The following MUC17 variants were observed in gnomAD, a reference collection of about 807,000 sequenced individuals.
The protein encoded by MUC17 is mucin 17, cell surface associated.
In MUC17, 190 loss-of-function variants were observed where a neutral mutation model predicts 170.3. The ratio of observed to expected loss-of-function variants is 1.12; its 90% CI spans 0.99 to 1.26. The LOEUF is 1.26. Among genes scored for constraint, MUC17 ranks in the 50% most tolerant of loss-of-function variants. The pLI is 0.00. For synonymous variants in MUC17, 2,325 were observed against 2,002.5 expected, an observed-to-expected ratio of 1.16 and a Z score of -4.30; for missense variants, 6,415 against 5,530.0, an observed-to-expected ratio of 1.16 and a Z score of -5.08.
chr7:101,023,195 T>C (rs1436606721), intron 1 of MUC17, among the ~76,000 whole-genome samples: 1 of 151,982 alleles, frequency 6.6e-6, no homozygotes, highest in African/African-American at 2.4e-5. Context: ...TCTGTCTCTG[T>C]GTTGGGTTAG....
chr7:101,033,089 C>A lies in MUC17; in HGVS notation c.1673C>A (p.Thr558Asn). The change falls in exon 3 of 13, where the codon ACC (threonine) becomes AAC (asparagine). Residue 558 changes from threonine (T) to asparagine (N), a missense_variant. Physicochemically the swap from Thr to Asn is moderately conservative, Grantham distance 65 (BLOSUM62 0). Transcript: ENST00000306151. ...TCATCTTCTACAACTCCTGAAGGTA[C>A]CAGCATACCAACCTCAACTCCTAGT... ...ASSSSTTPEGTSIPTSTPSEG... is the reference protein window; with the variant it reads ...ASSSSTTPEGNSIPTSTPSEG... 1 of 1,611,812 alleles carries A rather than the reference C, an allele frequency of 6.2e-7. No individual in the cohort carries two copies. The highest frequency in any genetic ancestry group is 1.7e-4 in the Middle Eastern group (1 of 6,050).
chr7:101,028,638 G>A (rs1794224127), intron 1 of MUC17, among the ~76,000 whole-genome samples: 1 of 151,932 alleles, frequency 6.6e-6, no homozygotes, highest in Non-Finnish European at 1.5e-5. Context: ...AGCACTTTGG[G>A]AGGCTGAGGC....
At position 101,039,134 on chromosome 7, in the gene MUC17, G is replaced by A. The variant is rs1370561813; in HGVS notation, c.7718G>A (p.Ser2573Asn). The change falls in exon 3 of 13, where the codon AGC becomes AAC. Residue 2573 changes from serine to asparagine, a missense_variant. Physicochemically the swap from Ser to Asn is conservative, Grantham distance 46 (BLOSUM62 1). Transcript: ENST00000306151. ...SMPTSTYSEG[S>N]TPLRSMPVST... is the part of the protein sequence containing the mutation. ...CCTACCTCAACTTATAGTGAAGGAA[G>A]CACTCCATTAAGAAGTATGCCTGTC... 1.9e-6 allele frequency: 3 copies of A among 1,612,588 alleles called. No homozygotes were observed. Among genetic ancestry groups the A allele is most frequent in the South Asian group, 1.1e-5 (1 of 91,010 alleles).
chr7:101,050,361 C>T (rs1246256510), intron 6 of MUC17, 123 bp from the exon 7 acceptor site: 11 of 1,409,710 alleles, frequency 7.8e-6, no homozygotes, highest in South Asian at 1.4e-5. Context: ...GAGTCATCAC[C>T]CCAACTGTCC....
At position 101,036,639 on chromosome 7, in the gene MUC17, C is replaced by G; in HGVS notation, c.5223C>G (p.Asn1741Lys). 5 of 1,613,208 alleles carry G rather than the reference C, an allele frequency of 3.1e-6. No homozygotes were observed. Among genetic ancestry groups the G allele is most frequent in the Non-Finnish European group, 3.4e-6 (4 of 1,179,728 alleles). ...CTTCTGAAGGTACCAGCATGCCAAA[C>G]TCAACTCCTAGTGAAGGAACCACTC... is the stretch of plus-strand genomic sequence containing the variant. The part of the protein sequence containing the change: ...PTTSEGTSMP[N>K]STPSEGTTPL... Residue 1741 changes from asparagine to lysine, a missense_variant, in exon 3 of 13, where the codon AAC (asparagine) becomes AAG (lysine). Transcript: ENST00000306151.
chr7:101,050,373 G>A (rs1794915459), intron 6 of MUC17, 111 bp from the exon 7 acceptor site: 1 of 1,480,344 alleles, frequency 6.8e-7, no homozygotes, highest in African/African-American at 1.4e-5. Context: ...CAACTGTCCT[G>A]CCCCCAGCTC....
rs756321309 is a variant in MUC17, at chr7:101,043,760, C to T, written c.12344C>T (p.Thr4115Met). The change falls in exon 3 of 13, where the codon ACG (threonine) becomes ATG (methionine). Residue 4115 changes from threonine to methionine, a missense_variant. Transcript: ENST00000306151. ...FPTVTTTAVP[T>M]NTTIKSNPTS... ...ACGGTGACCACCACCGCTGTCCCCA[C>T]GAATACTACAATTAAGAGCAACCCC... is the stretch of plus-strand genomic sequence containing the variant. 16 of 1,613,974 alleles carry T rather than the reference C, an allele frequency of 9.9e-6. No homozygotes were observed. Among genetic ancestry groups the T allele is most frequent in the Non-Finnish European group, 1.3e-5 (15 of 1,180,008 alleles).
intron 12 of MUC17, among the ~76,000 whole-genome samples, chr7:101,057,361 C>T (rs1457119678): frequency 6.6e-6 from 1 of 152,150 alleles, no homozygotes; most frequent in Non-Finnish European, 1.5e-5. Context: ...GATGAAATCT[C>T]CAGCAAGGAT....
chr7:101,024,892 G>C (rs1794154192), intron 1 of MUC17, among the ~76,000 whole-genome samples: 1 of 151,910 alleles, frequency 6.6e-6, no homozygotes, highest in Non-Finnish European at 1.5e-5. Context: ...ACCAGGAGCA[G>C]TGGTTTATGT....
rs745935283 is a variant in MUC17, at chr7:101,040,822, G to C, written c.9406G>C (p.Val3136Leu). 4.7e-5 allele frequency: 76 copies of C among 1,613,478 alleles called. 2 individuals are homozygous for C. The Admixed American group carries it at 5.7e-4, about 12-fold the overall frequency. ...AACTCCTGTTGACACCAGCACACCT[G>C]TGACCACTTCTACTGAAGCCCATTC... The part of the protein sequence containing the change: ...STTPVDTSTP[V>L]TTSTEAHSSP... Residue 3136 changes from valine to leucine, a missense_variant, in exon 3 of 13, where the codon GTG becomes CTG. By Grantham distance (32) the Val-to-Leu change is conservative. Coordinates refer to ENST00000306151, the MANE Select transcript of MUC17 (RefSeq NM_001040105.2).
At chr7:101,022,053 A>G (rs1584853364) in intron 1 of MUC17, among the ~76,000 whole-genome samples, 1 of 152,130 alleles carries the variant, frequency 6.6e-6, no homozygotes, top group South Asian at 2.1e-4. Context: ...TTGGGTGCTC[A>G]GTCACCTGTC....
At position 101,034,929 on chromosome 7, in the gene MUC17, G is replaced by C. The variant is rs759856667; in HGVS notation, c.3513G>C (p.Leu1171=). 2 of 1,613,620 alleles carry C rather than the reference G, an allele frequency of 1.2e-6. No homozygotes were observed. ...CAAGTATGCCTGTCAGCACCACGCT[G>C]GTGGTCAGTTCTGAGGCTAACACCC... is the stretch of plus-strand genomic sequence containing the variant. ...PLASMPVSTT[L]VVSSEANTLS... Residue 1171 remains leucine, a synonymous_variant, in exon 3 of 13, where the codon CTG becomes CTC. Coordinates refer to ENST00000306151, the MANE Select transcript of MUC17 (RefSeq NM_001040105.2).
In MUC17 at chr7:101,037,410, C is replaced by G; in HGVS notation, c.5994C>G (p.Val1998=). Residue 1998 remains valine, a synonymous_variant, in exon 3 of 13, where the codon GTC becomes GTG. Coordinates refer to ENST00000306151, the MANE Select transcript of MUC17 (RefSeq NM_001040105.2). ...TGCCTCTCAGCACCACGCTGGTGGTCAGTTCTGAGGCTAGCACTCTTTCCA... is the reference window on the plus strand; with the variant it reads ...TGCCTCTCAGCACCACGCTGGTGGTGAGTTCTGAGGCTAGCACTCTTTCCA... ...TSMPLSTTLV[V]SSEASTLSTT... is the part of the protein sequence containing the mutation. 1.9e-6 allele frequency: 3 copies of G among 1,612,862 alleles called. No individual in the cohort carries two copies. Among genetic ancestry groups the G allele is most frequent in the Non-Finnish European group, 2.5e-6 (3 of 1,179,218 alleles).
chr7:101,043,491 A>G lies in MUC17; in HGVS notation c.12075A>G (p.Ala4025=), dbSNP rs200357858. 1.2e-6 allele frequency: 2 copies of G among 1,614,080 alleles called. No individual in the cohort carries two copies. The highest frequency in any genetic ancestry group is 1.7e-6 in the Non-Finnish European group (2 of 1,180,048). The part of the protein sequence containing the change: ...RTTSRGCTTS[A]STLSATSTPH... ...CCAGCAGAGGCTGCACTACTTCTGCATCAACGCTTTCTGCAACCAGTACAC... is the reference window on the plus strand; with the variant it reads ...CCAGCAGAGGCTGCACTACTTCTGCGTCAACGCTTTCTGCAACCAGTACAC... The change falls in exon 3 of 13, where the codon GCA becomes GCG. Residue 4025 remains alanine, a synonymous_variant. Transcript: ENST00000306151.
intron 1 of MUC17, among the ~76,000 whole-genome samples, chr7:101,021,573 C>T (rs1234407020): frequency 1.3e-5 from 2 of 151,922 alleles, no homozygotes; most frequent in African/African-American, 4.8e-5. Context: ...CTTTCTTCTT[C>T]TCCCCACCTC....
At chr7:101,024,451 AG>A (rs1286562629) in intron 1 of MUC17, among the ~76,000 whole-genome samples, 4 of 151,628 alleles carry the variant, frequency 2.6e-5, no homozygotes, top group African/African-American at 7.3e-5. Context: ...CAAAACGGCA[AG>A]GGAGGAAACA....
In MUC17 at chr7:101,039,277, A is replaced by G. The variant is rs898762743; in HGVS notation, c.7861A>G (p.Thr2621Ala). 2 of 1,613,270 alleles carry G rather than the reference A, an allele frequency of 1.2e-6. No individual in the cohort carries two copies. Among genetic ancestry groups the G allele is most frequent in the Non-Finnish European group, 1.7e-6 (2 of 1,179,708 alleles). Reference sequence around the variant, plus strand: ...TTCATCTCCTACAACTGCAAAAGATACCAGCATGCCAATCTCAACTCCTAG... The same window carrying G: ...TTCATCTCCTACAACTGCAAAAGATGCCAGCATGCCAATCTCAACTCCTAG... ...TSSSPTTAKD[T>A]SMPISTPSEV... Residue 2621 changes from threonine (T) to alanine (A), a missense_variant, in exon 3 of 13, where the codon ACC becomes GCC. By Grantham distance (58) the Thr-to-Ala change is moderately conservative (BLOSUM62 0). Coordinates refer to ENST00000306151, the MANE Select transcript of MUC17 (RefSeq NM_001040105.2).
rs201783350 is a variant in MUC17 at position 101,042,500 on chromosome 7, C to T, written c.11084C>T (p.Pro3695Leu). 157 of 1,614,056 alleles carry T rather than the reference C, an allele frequency of 9.7e-5. No individual in the cohort carries two copies. In the East Asian group the frequency reaches 3.4e-3, roughly 35 times the overall value. ...TGGACGCCTAGTGAAGGAAGCACTC[C>T]ATTAACAACTATGCCTGTCAGCACC... ...PIWTPSEGST[P>L]LTTMPVSTTR... Residue 3695 changes from proline (P) to leucine (L), a missense_variant, in exon 3 of 13, where the codon CCA (proline) becomes CTA (leucine). By Grantham distance (98) the Pro-to-Leu change is moderately conservative. Transcript: ENST00000306151.
Position 101,031,368 on chromosome 7 carries a change from G to A in MUC17, c.184+147G>A, listed in dbSNP as rs998777079. 43 of 1,355,316 alleles carry A rather than the reference G, an allele frequency of 3.2e-5. No homozygotes were observed. In the African/African-American group the frequency reaches 5.6e-4, roughly 18 times the overall value. 84.0% of individuals were successfully genotyped at this position (1,355,316 alleles called of 1,614,324 possible). ...GGCCAGGAATTACAAGGCAGATGTG[G>A]AATCACCCAGGCAGGGACTGTGGAG... On this transcript the variant is annotated intron_variant, in intron 2 of 12. Transcript: ENST00000306151.
Sources: gnomAD v4.1 joint callset for allele counts (sites outside exome capture counted in the v4.1 genomes callset) on GRCh38, gnomAD v4.1.1 for gene constraint, MANE v1.5 for transcripts, NCBI Gene and HGNC (gene_info 2026-07-23, HGNC 2026-07-21) for gene names.